The following APP variants were observed in gnomAD, a reference collection of about 807,000 sequenced individuals.
The protein encoded by APP is amyloid-beta precursor protein.
A neutral mutation model predicts 101.4 loss-of-function variants in APP; 31 were observed. The observed-to-expected ratio is 0.31, with a 90% CI of 0.23 to 0.41. The LOEUF (loss-of-function observed/expected upper bound fraction) is 0.41, where lower values mean the gene tolerates loss of function less well. Ranked by LOEUF, APP falls within the 10% of genes least tolerant of loss-of-function variation. The probability of loss-of-function intolerance (pLI) is 1.00; values close to 1 mark genes in which losing one functional copy is unlikely to be tolerated. For synonymous variants in APP, 366 were observed against 364.4 expected (o/e 1.00, Z -0.05); for missense variants, 839 against 1,003.7 (o/e 0.84, Z 2.22).
At chr21:25,911,411 G>A (rs1265649148) in intron 14 of APP, among the ~76,000 whole-genome samples, 5 of 152,088 alleles carry the variant, frequency 3.3e-5, no homozygotes, top group African/African-American at 1.2e-4. Context: ...GAAACAAGAG[G>A]CCCTTTACCT....
intron 16 of APP, among the ~76,000 whole-genome samples, chr21:25,896,413 A>AACACTC (rs1267216203): frequency 1.4e-5 from 2 of 143,680 alleles, no homozygotes; most frequent in Admixed American, 6.9e-5. Flanking sequence ...GGAAAAAAGT[A>AACACTC]ACACTCACAC....
chr21:26,082,699 A>T (rs1262553403), intron 3 of APP, among the ~76,000 whole-genome samples: 1 of 152,146 alleles, frequency 6.6e-6, no homozygotes, highest in Non-Finnish European at 1.5e-5. Context: ...ATCTTGGCTC[A>T]CAATGCTACT....
intron 6 of APP, among the ~76,000 whole-genome samples, chr21:26,005,933 T>C (rs982350088): frequency 1.3e-5 from 2 of 152,160 alleles, no homozygotes; most frequent in African/African-American, 2.4e-5. Flanking sequence ...ATGTATACTA[T>C]ATGTAATTAT....
intron 13 of APP, among the ~76,000 whole-genome samples, chr21:25,918,341 T>C (rs1214973444): frequency 1.3e-5 from 2 of 152,162 alleles, no homozygotes; most frequent in East Asian, 3.9e-4. Context: ...TGGAATACTA[T>C]GCAGCCATAA....
In APP at chr21:26,021,865, TGTG is replaced by T. The variant is rs527890624; in HGVS notation, c.837_839del (p.Thr280del). 57 of 1,609,226 alleles carry T rather than the reference TGTG, an allele frequency of 3.5e-5. No homozygotes were observed. Among genetic ancestry groups the T allele is most frequent in the African/African-American group, 5.4e-5 (4 of 74,684 alleles). The stretch of plus-strand genomic sequence containing the variant: ...CTCGAACCACCTCTTCCACAGACTC[TGTG>T]GTGGTGGTGGTGGTGGTGGCAATGC... On this transcript the variant is annotated inframe_deletion, in exon 6 of 18. Transcript: ENST00000346798.
At chr21:26,128,825 T>C (rs2830073) in intron 1 of APP, among the ~76,000 whole-genome samples, 59,603 of 152,090 alleles carry the variant, frequency 0.39, 14,254 homozygotes, top group Non-Finnish European at 0.53. Context: ...ACATTTAACA[T>C]GCTTGGAACT....
chr21:25,885,463 AATTTCC>A (rs1417195842), intron 17 of APP, among the ~76,000 whole-genome samples: 1 of 152,236 alleles, frequency 6.6e-6, no homozygotes, highest in Non-Finnish European at 1.5e-5. Flanking sequence ...ATGAAGTCAG[AATTTCC>A]ATTTTCCAAC....
At chr21:26,161,855 G>C (rs2063497297) in intron 1 of APP, among the ~76,000 whole-genome samples, 1 of 151,986 alleles carries the variant, frequency 6.6e-6, no homozygotes, top group African/African-American at 2.4e-5. Flanking sequence ...GAAGACTTAA[G>C]CTAAGACTTC....
intron 1 of APP, among the ~76,000 whole-genome samples, chr21:26,115,831 C>T (rs1601501472): frequency 2.6e-5 from 4 of 152,256 alleles, no homozygotes; most frequent in Admixed American, 2.6e-4. Flanking sequence ...ATTTTTTAAA[C>T]ATTTTTATTT....
intron 11 of APP, among the ~76,000 whole-genome samples, chr21:25,966,725 T>C (rs1444502362): frequency 6.6e-6 from 1 of 152,248 alleles, no homozygotes; most frequent in Admixed American, 6.5e-5. Context: ...AATTGGTTTG[T>C]TGGGTGAAGG....
intron 1 of APP, among the ~76,000 whole-genome samples, chr21:26,143,769 T>A: frequency 6.6e-6 from 1 of 152,210 alleles, no homozygotes; most frequent in East Asian, 1.9e-4. Context: ...TTGAGTGTTT[T>A]AGGTTCCACA....
chr21:26,136,987 G>A (rs1004665729), intron 1 of APP, among the ~76,000 whole-genome samples: 2 of 152,164 alleles, frequency 1.3e-5, no homozygotes, highest in African/African-American at 4.8e-5. Context: ...TGCCTCCTGG[G>A]TTCAAGAGAT....
intron 1 of APP, among the ~76,000 whole-genome samples, chr21:26,132,523 TAAA>T (rs11356038): frequency 6.6e-6 from 1 of 151,928 alleles, no homozygotes; most frequent in African/African-American, 2.4e-5. Flanking sequence ...CCTCTACCTT[TAAA>T]AAAAAGTTTC....
At chr21:26,016,479 G>A (rs2044067868) in intron 6 of APP, among the ~76,000 whole-genome samples, 1 of 152,214 alleles carries the variant, frequency 6.6e-6, no homozygotes, top group Non-Finnish European at 1.5e-5. Context: ...AATAAAAAGT[G>A]TAATTTTGAC....
chr21:26,026,042 C>T (rs1035271479), intron 5 of APP, among the ~76,000 whole-genome samples: 1 of 152,214 alleles, frequency 6.6e-6, no homozygotes, highest in Non-Finnish European at 1.5e-5. Context: ...AAATGCTGGA[C>T]AGACTGTTGT....
At chr21:26,028,708 C>A (rs1398537383) in intron 5 of APP, among the ~76,000 whole-genome samples, 1 of 152,138 alleles carries the variant, frequency 6.6e-6, no homozygotes, top group Non-Finnish European at 1.5e-5. Flanking sequence ...TCTAAGCCAA[C>A]CCCTAGTAAT....
chr21:26,093,376 T>C (rs895180426), intron 2 of APP, among the ~76,000 whole-genome samples: 3 of 152,228 alleles, frequency 2.0e-5, no homozygotes, highest in Non-Finnish European at 4.4e-5. Flanking sequence ...ACAACCCTGC[T>C]GAGAATTTCC....
chr21:26,077,879 T>G (rs929439460), intron 3 of APP, among the ~76,000 whole-genome samples: 2 of 151,794 alleles, frequency 1.3e-5, no homozygotes, highest in Non-Finnish European at 2.9e-5. Context: ...AACCACTCAG[T>G]GACTAATATG....
rs71183533 is a variant in APP, at chr21:25,924,379, T to TAAA, written c.1688-12420_1688-12418dup. 5.7e-4 allele frequency among the ~76,000 whole-genome samples: 29 copies of TAAA among 51,082 alleles called. No homozygotes were observed. In the East Asian group the frequency reaches 7.8e-3, roughly 14 times the overall value. The allele number at this position is 51,082 out of a possible 152,430, so 33.5% of individuals were successfully genotyped here. ...ATGTACCCTAAAACTTAAAGTATAA[T>TAAA]AAAAAAAAAAAAAGATTTGAATTTG... On this transcript the variant is annotated intron_variant, in intron 13 of 17. Coordinates refer to ENST00000346798, the MANE Select transcript of APP (RefSeq NM_000484.4).
Sources: gnomAD v4.1 joint callset for allele counts (sites outside exome capture counted in the v4.1 genomes callset) on GRCh38, gnomAD v4.1.1 for gene constraint, MANE v1.5 for transcripts, NCBI Gene and HGNC (gene_info 2026-07-23, HGNC 2026-07-21) for gene names.